WDFY3: variants seen among roughly 807,000 people sequenced by gnomAD.
The protein encoded by WDFY3 is WD repeat and FYVE domain containing 3.
Under a neutral mutation model 409.6 loss-of-function variants are expected in WDFY3, and 66 were observed. That is an observed-to-expected ratio of 0.16 (90% CI 0.13 to 0.20). The LOEUF (loss-of-function observed/expected upper bound fraction) is 0.20, where lower values mean the gene tolerates loss of function less well. Among genes scored for constraint, WDFY3 ranks in the 10% least tolerant of loss-of-function variants. The pLI, the probability that WDFY3 is intolerant of heterozygous loss-of-function variation, is 1.00. For synonymous variants in WDFY3, 1,521 were observed against 1,537.1 expected (o/e 0.99, Z 0.25); for missense variants, 3,031 against 4,298.1 (o/e 0.71, Z 8.24).
rs533154873 is a variant in WDFY3 at position 84,950,844 on chromosome 4, T to C, written c.-226+15365A>G. On this transcript the variant is annotated intron_variant, in intron 1 of 67. Coordinates refer to ENST00000295888, the MANE Select transcript of WDFY3 (RefSeq NM_014991.6). ...GTAGACACTGAATAAACACACTGAA[T>C]GAAAAAGTAAATCAAGAGTTGAGAT... is the stretch of plus-strand genomic sequence containing the variant. Among the ~76,000 whole-genome samples, 4 of 152,242 alleles carry C rather than the reference T, an allele frequency of 2.6e-5. No individual in the cohort carries two copies. The South Asian group carries it at 8.3e-4, about 32-fold the overall frequency.
chr4:84,851,428 T>C (rs1758992621), intron 4 of WDFY3, among the ~76,000 whole-genome samples: 1 of 152,158 alleles, frequency 6.6e-6, no homozygotes, highest in African/African-American at 2.4e-5. Flanking sequence ...GCTCCCTAAA[T>C]ATGGTTGTTT....
chr4:84,771,980 C>T (rs939304717), intron 30 of WDFY3, among the ~76,000 whole-genome samples: 2 of 152,150 alleles, frequency 1.3e-5, no homozygotes, highest in African/African-American at 2.4e-5. Flanking sequence ...CTTTCTCCTA[C>T]TCATGAAGCA....
At chr4:84,904,117 C>T (rs1196602162) in intron 2 of WDFY3, among the ~76,000 whole-genome samples, 2 of 152,200 alleles carry the variant, frequency 1.3e-5, no homozygotes, top group Admixed American at 1.3e-4. Flanking sequence ...TGTGAGGACA[C>T]AGCAAGAAGG....
At chr4:84,904,353 G>A (rs917218471) in intron 2 of WDFY3, among the ~76,000 whole-genome samples, 1 of 151,968 alleles carries the variant, frequency 6.6e-6, no homozygotes, top group African/African-American at 2.4e-5. Context: ...GGATTCTCCT[G>A]CCTAGGCGAA....
intron 48 of WDFY3, among the ~76,000 whole-genome samples, chr4:84,717,427 G>C (rs923004047): frequency 6.6e-6 from 1 of 152,144 alleles, no homozygotes; most frequent in African/African-American, 2.4e-5. Context: ...ATTTTTGTAT[G>C]GAAAAAGGAC....
chr4:84,866,488 T>C (rs1761411118), intron 3 of WDFY3, among the ~76,000 whole-genome samples: 1 of 152,182 alleles, frequency 6.6e-6, no homozygotes, highest in African/African-American at 2.4e-5. Flanking sequence ...AACCCTCCCC[T>C]TTCCACCACG....
Position 84,672,841 on chromosome 4 carries a change from A to G in WDFY3, c.*27T>C. ...AGAATCGGGAAGGGGTCTACAGACC[A>G]TGGTCTCCACTCAGCTTGTTGAATC... On this transcript the variant is annotated 3_prime_UTR_variant, in exon 68 of 68. Coordinates refer to ENST00000295888, the MANE Select transcript of WDFY3 (RefSeq NM_014991.6). The G allele has an allele frequency of 6.2e-7, 1 of 1,613,612 alleles. No homozygotes were observed. The highest frequency in any genetic ancestry group is 8.5e-7 in the Non-Finnish European group (1 of 1,179,758).
Position 84,821,546 on chromosome 4 carries a change from T to C in WDFY3, c.1129A>G (p.Ser377Gly). 1 of 1,610,972 alleles carries C rather than the reference T, an allele frequency of 6.2e-7. No individual in the cohort carries two copies. The highest frequency in any genetic ancestry group is 8.5e-7 in the Non-Finnish European group (1 of 1,178,404). Residue 377 changes from serine to glycine, a missense_variant, in exon 11 of 68, where the codon AGT becomes GGT. Transcript: ENST00000295888. ...GCAAAGGCCTGGACGTTTCTCACAC[T>C]GTGACCTAGAACAGAAAAGAAAAAC... ...AVPQPAGKGH[S>G]VRNVQAFAVL...
rs1754696857 is a variant in WDFY3 at position 84,825,345 on chromosome 4, T to C, written c.1123+1470A>G. Among the ~76,000 whole-genome samples, 3 of 151,452 alleles carry C rather than the reference T, an allele frequency of 2.0e-5. No individual in the cohort carries two copies. The South Asian group carries it at 6.2e-4, about 32-fold the overall frequency. On this transcript the variant is annotated intron_variant, in intron 10 of 67. Coordinates refer to ENST00000295888, the MANE Select transcript of WDFY3 (RefSeq NM_014991.6). ...TGGAATCTATAAATTAGAAATTTTC[T>C]GAGAAGTCTCTATTTTTTTTTTTTT...
chr4:84,704,278 G>T lies in WDFY3; in HGVS notation c.8442+60C>A. The T allele has an allele frequency of 2.5e-6, 3 of 1,216,774 alleles. No individual in the cohort carries two copies. The South Asian group carries it at 4.6e-5, about 19-fold the overall frequency. The allele number at this position is 1,216,774 out of a possible 1,614,324, so 75.4% of individuals were successfully genotyped here. A position where few individuals can be genotyped will look rare whatever the true frequency, so the allele number is the denominator to read the frequency against. Reference sequence around the variant, plus strand: ...AGAAGATAATGATGTTTTAAAAGGTGACATTTTAGATAGAAGTAGGCTTGT... The same window carrying T: ...AGAAGATAATGATGTTTTAAAAGGTTACATTTTAGATAGAAGTAGGCTTGT... On this transcript the variant is annotated intron_variant, in intron 55 of 67. Coordinates refer to ENST00000295888, the MANE Select transcript of WDFY3 (RefSeq NM_014991.6).
At chr4:84,897,734 C>T (rs1765828638) in intron 2 of WDFY3, among the ~76,000 whole-genome samples, 1 of 152,148 alleles carries the variant, frequency 6.6e-6, no homozygotes, top group Non-Finnish European at 1.5e-5. Flanking sequence ...CGCTGGAGAG[C>T]CCACAACACA....
chr4:84,763,109 T>C (rs1742989603), intron 32 of WDFY3, among the ~76,000 whole-genome samples: 1 of 152,204 alleles, frequency 6.6e-6, no homozygotes, highest in Non-Finnish European at 1.5e-5. Context: ...TATTTTCCCC[T>C]ATAATTAATC....
chr4:84,712,816 T>C (rs187936569), intron 51 of WDFY3, among the ~76,000 whole-genome samples: 6 of 152,210 alleles, frequency 3.9e-5, no homozygotes, highest in Admixed American at 3.3e-4. Flanking sequence ...ATAATAGTTA[T>C]GTTTCTGAAT....
At chr4:84,831,256 C>T (rs555187537) in intron 8 of WDFY3, among the ~76,000 whole-genome samples, 157 bp downstream of exon 8, 1 of 151,570 alleles carries the variant, frequency 6.6e-6, no homozygotes, top group African/African-American at 2.4e-5. Flanking sequence ...TTGAAATGCC[C>T]CACAGATGAA....
At position 84,739,018 on chromosome 4, in the gene WDFY3, A is replaced by G. The variant is rs1737952311; in HGVS notation, c.6566T>C (p.Ile2189Thr). The change falls in exon 40 of 68, where the codon ATT becomes ACT. Residue 2189 changes from isoleucine (I) to threonine (T), a missense_variant. By Grantham distance (89) the Ile-to-Thr change is moderately conservative. This residue lies in a region of WDFY3 where 314 missense variants were observed against 397.4 expected (regional missense o/e 0.79). Coordinates refer to ENST00000295888, the MANE Select transcript of WDFY3 (RefSeq NM_014991.6). ...IEPDGSYSQD[I>T]SEGRQLLIKA... Reference sequence around the variant, plus strand: ...CAAGTCAAGGCAATTACCTTCACTAATATCTTGGCTGTAACTACCATCTGG... The same window carrying G: ...CAAGTCAAGGCAATTACCTTCACTAGTATCTTGGCTGTAACTACCATCTGG... 3 of 1,613,964 alleles carry G rather than the reference A, an allele frequency of 1.9e-6. No individual in the cohort carries two copies. The highest frequency in any genetic ancestry group is 1.3e-5 in the African/African-American group (1 of 74,934).
At chr4:84,862,380 T>G (rs1036799924) in intron 3 of WDFY3, among the ~76,000 whole-genome samples, 2 of 152,222 alleles carry the variant, frequency 1.3e-5, no homozygotes, top group African/African-American at 4.8e-5. Context: ...GGGGAGCATT[T>G]AATCTGCAAA....
intron 15 of WDFY3, among the ~76,000 whole-genome samples, chr4:84,807,772 G>GT (rs1273390696): frequency 6.6e-6 from 1 of 152,064 alleles, no homozygotes; most frequent in Non-Finnish European, 1.5e-5. Flanking sequence ...ACTGATCAAA[G>GT]TAAGTATTGG....
chr4:84,785,916 A>C (rs1259357647), intron 24 of WDFY3, 63 bp downstream of exon 24: 6 of 1,574,170 alleles, frequency 3.8e-6, no homozygotes, highest in Non-Finnish European at 5.2e-6. Context: ...TATCCATATG[A>C]GACTCTGAGA....
At chr4:84,753,903 C>G (rs188361673) in intron 34 of WDFY3, 27 bp from the exon 35 acceptor site, 6 of 1,541,088 alleles carry the variant, frequency 3.9e-6, no homozygotes, top group South Asian at 1.3e-5. Context: ...AGAGGAAACA[C>G]TATGTTACAG....
Sources: allele counts gnomAD v4.1 joint callset (sites outside exome capture counted in the v4.1 genomes callset), GRCh38; gene constraint gnomAD v4.1.1; regional missense constraint gnomAD v4.1.1; transcripts MANE v1.5; gene names NCBI Gene and HGNC (gene_info 2026-07-23, HGNC 2026-07-21).